FBXL20: variants seen among roughly 807,000 people sequenced by gnomAD.
The protein encoded by FBXL20 is F-box/LRR-repeat protein 20.
FBXL20 carries 11 observed loss-of-function variants against 64.0 expected under a neutral mutation model. The observed-to-expected ratio is 0.17, with a 90% CI of 0.11 to 0.28. The LOEUF (loss-of-function observed/expected upper bound fraction) is 0.28. Among genes scored for constraint, FBXL20 ranks in the 10% least tolerant of loss-of-function variants. The pLI, the probability that FBXL20 is intolerant of heterozygous loss-of-function variation, is 1.00. For missense variants in FBXL20, 303 were observed against 526.2 expected (o/e 0.58, Z 4.15); for synonymous variants, 184 against 189.0 (o/e 0.97, Z 0.22).
intron 2 of FBXL20, among the ~76,000 whole-genome samples, chr17:39,342,364 A>G (rs889774518): frequency 2.0e-5 from 3 of 149,820 alleles, no homozygotes; most frequent in Non-Finnish European, 4.5e-5. Flanking sequence ...TCAGCAGTTC[A>G]AGACTATTCT....
intron 2 of FBXL20, among the ~76,000 whole-genome samples, chr17:39,335,408 C>T (rs2047510659): frequency 6.6e-6 from 1 of 151,840 alleles, no homozygotes; most frequent in South Asian, 2.1e-4. Context: ...TATCCCGCTG[C>T]AGTGTCTCTA....
At chr17:39,286,727 G>A (rs2046991365) in intron 6 of FBXL20, among the ~76,000 whole-genome samples, 2 of 151,698 alleles carry the variant, frequency 1.3e-5, no homozygotes, top group South Asian at 4.2e-4. Context: ...GAGCCCAGGA[G>A]GCGGAGGTTG....
rs916872880 is a variant in FBXL20 at position 39,278,399 on chromosome 17, G to T, written c.696+2990C>A. Reference sequence around the variant, plus strand: ...GACCTCAGGTGATTCACCCGCCTTGGCCTCCCAAAGTGCTGGGATTATAGG... The same window carrying T: ...GACCTCAGGTGATTCACCCGCCTTGTCCTCCCAAAGTGCTGGGATTATAGG... On this transcript the variant is annotated intron_variant, in intron 9 of 14. Coordinates refer to ENST00000264658, the MANE Select transcript of FBXL20 (RefSeq NM_032875.3). Among the ~76,000 whole-genome samples, 3 of 152,168 alleles carry T rather than the reference G, an allele frequency of 2.0e-5. No homozygotes were observed. The East Asian group carries it at 5.8e-4, about 30-fold the overall frequency.
chr17:39,289,353 AT>A (rs2047017055), intron 6 of FBXL20, among the ~76,000 whole-genome samples: 1 of 152,234 alleles, frequency 6.6e-6, no homozygotes, highest in South Asian at 2.1e-4. Flanking sequence ...GAAAACAAGT[AT>A]CTTAACAATA....
At chr17:39,288,057 A>G (rs1311072125) in intron 6 of FBXL20, among the ~76,000 whole-genome samples, 1 of 142,428 alleles carries the variant, frequency 7.0e-6, no homozygotes, top group Non-Finnish European at 1.5e-5. Context: ...TCTGCCTCCC[A>G]GGTTCAAGTG....
In FBXL20 at chr17:39,257,844, GGGAA is replaced by G. The variant is rs1437064647; in HGVS notation, c.*3612_*3615del. 2 of 152,864 alleles carry G rather than the reference GGGAA, an allele frequency of 1.3e-5. No individual in the cohort carries two copies. The highest frequency in any genetic ancestry group is 4.8e-5 in the African/African-American group (2 of 41,436). The allele number at this position is 152,864 out of a possible 1,614,324, so 9.5% of individuals were successfully genotyped here. On this transcript the variant is annotated 3_prime_UTR_variant, in exon 15 of 15. Transcript: ENST00000264658. ...TTAAATAGAGGGAAAGGATGGGTGT[GGGAA>G]GGAAATGGTGGAAATCAGTGCAAAA...
chr17:39,333,280 G>C (rs1317178659), intron 2 of FBXL20, among the ~76,000 whole-genome samples: 3 of 152,196 alleles, frequency 2.0e-5, no homozygotes, highest in Non-Finnish European at 4.4e-5. Flanking sequence ...CGAGTGCCTG[G>C]GATTGCAGGC....
chr17:39,319,266 G>C (rs1047189263), intron 2 of FBXL20, among the ~76,000 whole-genome samples: 37 of 151,916 alleles, frequency 2.4e-4, no homozygotes, highest in African/African-American at 8.7e-4. Flanking sequence ...AAGAGAGAGA[G>C]AGAATTCTGC....
chr17:39,381,875 T>C (rs1023356621), intron 1 of FBXL20, among the ~76,000 whole-genome samples: 10 of 147,438 alleles, frequency 6.8e-5, no homozygotes, highest in Non-Finnish European at 1.3e-4. Context: ...GGGGGGCGGA[T>C]CACGAGGCCA....
chr17:39,267,701 T>C (rs556593970), intron 12 of FBXL20, among the ~76,000 whole-genome samples: 33 of 152,284 alleles, frequency 2.2e-4, no homozygotes, highest in Non-Finnish European at 3.4e-4. Flanking sequence ...CTTTTCAAAT[T>C]CTTCTCCAAC....
intron 2 of FBXL20, among the ~76,000 whole-genome samples, chr17:39,337,525 C>G (rs1380250366): frequency 6.6e-6 from 1 of 150,440 alleles, no homozygotes; most frequent in African/African-American, 2.4e-5. Context: ...GGCCGCCCAT[C>G]GTCTGAGATG....
chr17:39,401,254 T>C (rs374338608), intron 1 of FBXL20, 107 bp downstream of exon 1: 1 of 1,586,390 alleles, frequency 6.3e-7, no homozygotes, highest in African/African-American at 1.4e-5. Flanking sequence ...CGCCAGTGGG[T>C]GGGTGACGGC....
intron 1 of FBXL20, among the ~76,000 whole-genome samples, chr17:39,376,309 T>G (rs886932351): frequency 6.6e-6 from 1 of 152,078 alleles, no homozygotes; most frequent in Non-Finnish European, 1.5e-5. Context: ...GTACCCTGCA[T>G]TTGTCAAAAA....
At chr17:39,363,834 CAAAAAAA>C (rs113673962) in intron 1 of FBXL20, among the ~76,000 whole-genome samples, 1 of 59,410 alleles carries the variant, frequency 1.7e-5, no homozygotes, top group South Asian at 4.3e-4. Flanking sequence ...AAACAAAAAA[CAAAAAAA>C]AAAACAATAA....
intron 2 of FBXL20, among the ~76,000 whole-genome samples, chr17:39,322,930 A>C (rs1354476926): frequency 6.9e-6 from 1 of 145,118 alleles, no homozygotes. Context: ...TCAGCCTCTC[A>C]AGTAGCTAGG....
chr17:39,343,090 A>G (rs2047598354), intron 2 of FBXL20, 90 bp downstream of exon 2: 1 of 807,780 alleles, frequency 1.2e-6, no homozygotes, highest in Non-Finnish European at 2.0e-6. Context: ...TACTATACAT[A>G]TATGAAAATT....
rs186018145 is a variant in FBXL20 at position 39,298,743 on chromosome 17, T to A, written c.329+247A>T. 2.9e-3 allele frequency among the ~76,000 whole-genome samples: 444 copies of A among 152,062 alleles called. 3 individuals carry two copies. Among genetic ancestry groups the A allele is most frequent in the African/African-American group, 0.01 (417 of 41,468 alleles). On this transcript the variant is annotated intron_variant, in intron 5 of 14. Coordinates refer to ENST00000264658, the MANE Select transcript of FBXL20 (RefSeq NM_032875.3). ...CATAAAATAAAAATATTAATTAATT[T>A]AAAAAAAACTTATTCAAAGCTCCAA... is the stretch of plus-strand genomic sequence containing the variant.
At chr17:39,360,222 G>A (rs983135705) in intron 1 of FBXL20, among the ~76,000 whole-genome samples, 2 of 152,126 alleles carry the variant, frequency 1.3e-5, no homozygotes, top group African/African-American at 4.8e-5. Context: ...GTTGGCAGGG[G>A]CTAAAAGGGG....
intron 10 of FBXL20, among the ~76,000 whole-genome samples, chr17:39,273,676 T>C (rs1366009984): frequency 1.3e-5 from 2 of 151,804 alleles, no homozygotes; most frequent in African/African-American, 2.4e-5. Flanking sequence ...AAAAATTAGC[T>C]GGGTGTGGTG....
Sources: gnomAD v4.1 joint callset for allele counts (sites outside exome capture counted in the v4.1 genomes callset) on GRCh38, gnomAD v4.1.1 for gene constraint, MANE v1.5 for transcripts, NCBI Gene and HGNC (gene_info 2026-07-23, HGNC 2026-07-21) for gene names.